RANGAP1: variants seen among roughly 807,000 people sequenced by gnomAD.
RANGAP1 encodes the protein Ran GTPase activating protein 1.
RANGAP1 carries 38 observed loss-of-function variants against 63.5 expected under a neutral mutation model. The ratio of observed to expected loss-of-function variants is 0.60; its 90% CI spans 0.46 to 0.78. The LOEUF is 0.78. Among genes scored for constraint, RANGAP1 ranks in the 30% least tolerant of loss-of-function variants. The probability of loss-of-function intolerance (pLI) is 0.00; values close to 1 mark genes in which losing one functional copy is unlikely to be tolerated. For missense variants in RANGAP1, 630 were observed against 740.3 expected, an observed-to-expected ratio of 0.85 and a Z score of 1.73; for synonymous variants, 329 against 310.5, an observed-to-expected ratio of 1.06 and a Z score of -0.63.
chr22:41,295,689 G>T, the RANGAP1 span, among the ~76,000 whole-genome samples: 1 of 128,754 alleles, frequency 7.8e-6, no homozygotes, highest in East Asian at 2.1e-4. Context: ...ACCCAAGAAT[G>T]ATCAATTAAA....
Position 41,280,921 on chromosome 22 carries a change from C to A in RANGAP1, c.112+12G>T, listed in dbSNP as rs1248144306. On this transcript the variant is annotated intron_variant, in intron 2 of 15. Coordinates refer to ENST00000356244, the MANE Select transcript of RANGAP1 (RefSeq NM_002883.4). ...CCCTGGACACACCAGTGCACAACTT[C>A]CAGAAACTCACCATCTTCTGCAGTG... The A allele has an allele frequency of 6.2e-7, 1 of 1,613,810 alleles. No individual in the cohort carries two copies. The highest frequency in any genetic ancestry group is 1.3e-5 in the African/African-American group (1 of 75,048).
intron 1 of RANGAP1, among the ~76,000 whole-genome samples, chr22:41,283,017 G>C (rs2035575312): frequency 6.6e-6 from 1 of 151,960 alleles, no homozygotes; most frequent in Non-Finnish European, 1.5e-5. Context: ...TATAACCCTG[G>C]TTTGTCTGCC....
At chr22:41,269,720 C>T (rs886624170) in intron 3 of RANGAP1, among the ~76,000 whole-genome samples, 2 of 136,368 alleles carry the variant, frequency 1.5e-5, no homozygotes, top group African/African-American at 5.6e-5. Context: ...GCAGCCTGGG[C>T]GACACAGAAA....
the RANGAP1 span, among the ~76,000 whole-genome samples, chr22:41,294,256 G>A: frequency 6.6e-6 from 1 of 152,250 alleles, no homozygotes; most frequent in African/African-American, 2.4e-5. Context: ...GTTTCGCTGT[G>A]TTGGCCGGGC....
At position 41,245,231 on chromosome 22, in the gene RANGAP1, G is replaced by A. The variant is rs6002297; in HGVS notation, c.*1372C>T. On this transcript the variant is annotated 3_prime_UTR_variant, in exon 16 of 16. Coordinates refer to ENST00000356244, the MANE Select transcript of RANGAP1 (RefSeq NM_002883.4). ...ACCTTGGAGGGACTTCTTGGAGGCC[G>A]TTTGTGGGGGACATGGGCTCCCAAA... Among the ~76,000 whole-genome samples, 17 of 152,310 alleles carry A rather than the reference G, an allele frequency of 1.1e-4. No individual in the cohort carries two copies. The highest frequency in any genetic ancestry group is 3.6e-4 in the African/African-American group (15 of 41,576).
intron 11 of RANGAP1, 27 bp downstream of exon 11, chr22:41,254,281 T>C (rs368417565): frequency 9.9e-6 from 16 of 1,613,720 alleles, no homozygotes; most frequent in Non-Finnish European, 1.2e-5. Flanking sequence ...ACCAGGGCTC[T>C]GATTGTGGCA....
intron 10 of RANGAP1, among the ~76,000 whole-genome samples, chr22:41,255,543 C>T (rs1426392400): frequency 7.0e-6 from 1 of 141,890 alleles, no homozygotes; most frequent in East Asian, 2.1e-4. Flanking sequence ...CTCCCACCCC[C>T]ATCACTCCCC....
chr22:41,251,256 G>C, intron 12 of RANGAP1, 147 bp from the exon 13 acceptor site: 3 of 613,296 alleles, frequency 4.9e-6, no homozygotes, highest in Non-Finnish European at 8.7e-6. Context: ...TCCCTTCAGA[G>C]TCTGGCTTGG....
intron 4 of RANGAP1, among the ~76,000 whole-genome samples, chr22:41,266,266 C>T (rs980245695): frequency 2.0e-5 from 3 of 152,242 alleles, no homozygotes; most frequent in South Asian, 2.1e-4. Context: ...TGCTCAAACA[C>T]CCTGTGCCTA....
At chr22:41,247,148 C>G (rs377175219) in intron 15 of RANGAP1, among the ~76,000 whole-genome samples, 1 of 152,092 alleles carries the variant, frequency 6.6e-6, no homozygotes, top group Non-Finnish European at 1.5e-5. Flanking sequence ...CTCCGCCTCC[C>G]GAGTTCACGC....
intron 5 of RANGAP1, 39 bp from the exon 6 acceptor site, chr22:41,261,619 G>C: frequency 6.2e-7 from 1 of 1,613,548 alleles, no homozygotes; most frequent in East Asian, 2.2e-5. Flanking sequence ...ATGGGCAGGA[G>C]CCCCTTCTCC....
At chr22:41,284,345 AT>A in intron 1 of RANGAP1, among the ~76,000 whole-genome samples, 1 of 152,268 alleles carries the variant, frequency 6.6e-6, no homozygotes, top group South Asian at 2.1e-4. Context: ...AGGTGGGTGG[AT>A]TACCTGAGGT....
chr22:41,256,902 C>T (rs1464852490), intron 7 of RANGAP1, 78 bp from the exon 8 acceptor site: 20 of 1,059,436 alleles, frequency 1.9e-5, no homozygotes, highest in East Asian at 2.5e-5. Context: ...GGGCCCCACA[C>T]GGTCACATCC....
At chr22:41,276,144 C>T (rs182687258) in intron 2 of RANGAP1, among the ~76,000 whole-genome samples, 1 of 152,340 alleles carries the variant, frequency 6.6e-6, no homozygotes, top group Admixed American at 6.5e-5. Context: ...TCTTTAAAAA[C>T]ATATGTATTC....
At chr22:41,252,583 G>C (rs73430531) in intron 12 of RANGAP1, among the ~76,000 whole-genome samples, 6,338 of 152,256 alleles carry the variant, frequency 0.042, 438 homozygotes, top group African/African-American at 0.14. Flanking sequence ...GAGAAGCCAA[G>C]GAGGGGGTGG....
At chr22:41,294,292 G>A in the RANGAP1 span, among the ~76,000 whole-genome samples, 2 of 152,250 alleles carry the variant, frequency 1.3e-5, no homozygotes, top group Admixed American at 6.5e-5. Context: ...AACCGCGAGT[G>A]ATGCACCAGC....
intron 4 of RANGAP1, among the ~76,000 whole-genome samples, chr22:41,266,384 A>G (rs1160924111): frequency 3.9e-5 from 6 of 152,196 alleles, no homozygotes; most frequent in African/African-American, 4.8e-5. Context: ...CCCCATTCCT[A>G]CAGAGTCAAG....
chr22:41,278,832 C>T (rs553567932), intron 2 of RANGAP1, among the ~76,000 whole-genome samples: 1 of 152,308 alleles, frequency 6.6e-6, no homozygotes, highest in East Asian at 1.9e-4. Context: ...AAAACCCCGT[C>T]TCTACTAAAA....
intron 7 of RANGAP1, 140 bp from the exon 8 acceptor site, chr22:41,256,964 C>T (rs572749643): frequency 2.1e-4 from 139 of 649,344 alleles, no homozygotes; most frequent in Non-Finnish European, 3.1e-4. Flanking sequence ...GCTTTGCCGT[C>T]TTCTACTTGT....
Sources: gnomAD v4.1 joint callset for allele counts (sites outside exome capture counted in the v4.1 genomes callset) on GRCh38, gnomAD v4.1.1 for gene constraint, MANE v1.5 for transcripts, NCBI Gene and HGNC (gene_info 2026-07-23, HGNC 2026-07-21) for gene names.